The following WDPCP variants were observed in gnomAD, a reference collection of about 807,000 sequenced individuals.
WDPCP encodes WD repeat-containing and planar cell polarity effector protein fritz homolog.
WDPCP carries 71 observed loss-of-function variants against 93.1 expected under a neutral mutation model. The observed-to-expected ratio is 0.76, with a 90% CI of 0.63 to 0.93. WDPCP has a LOEUF of 0.93. Among genes scored for constraint, WDPCP ranks in the 40% least tolerant of loss-of-function variants. WDPCP has a pLI of 0.00. For missense variants in WDPCP, 844 were observed against 887.4 expected, an observed-to-expected ratio of 0.95 and a Z score of 0.62; for synonymous variants, 315 against 315.0, an observed-to-expected ratio of 1.00 and a Z score of 0.00.
At chr2:63,444,449 C>T (rs2105566368) in intron 6 of WDPCP, among the ~76,000 whole-genome samples, 1 of 152,152 alleles carries the variant, frequency 6.6e-6, no homozygotes, top group South Asian at 2.1e-4. Context: ...AAGAATATTC[C>T]AGCCCAGACA....
chr2:63,593,429 A>T, upstream of WDPCP: 1 of 359,012 alleles, frequency 2.8e-6, no homozygotes, highest in Non-Finnish European at 5.8e-6. Context: ...TTTTTCTTTG[A>T]CTTCTATGAG....
chr2:63,121,530 G>A lies in WDPCP; in HGVS notation c.*476C>T, dbSNP rs536038002. ...TTCACAAGCATGTACCACCATGCCT[G>A]GCTAATTTTTAAAATTTTTTCTAGA... is the stretch of plus-strand genomic sequence containing the variant. On this transcript the variant is annotated 3_prime_UTR_variant, in exon 18 of 18. Coordinates refer to ENST00000272321, the MANE Select transcript of WDPCP (RefSeq NM_015910.7). The A allele has an allele frequency of 6.5e-6, 1 of 154,844 alleles. No homozygotes were observed. Among genetic ancestry groups the A allele is most frequent in the African/African-American group, 2.4e-5 (1 of 41,294 alleles). 9.6% of individuals were successfully genotyped at this position (154,844 alleles called of 1,614,324 possible).
rs148988771 is a variant in WDPCP, at chr2:63,211,651, C to T, written c.1916-36819G>A. ...TTGAGAGAAGAAGGCTTCAGAAAAT[C>T]GGTAATAACAAACTTCTCTGAGCTA... On this transcript the variant is annotated intron_variant, in intron 14 of 17. Transcript: ENST00000272321. 2.1e-3 allele frequency among the ~76,000 whole-genome samples: 321 copies of T among 152,176 alleles called. 2 individuals are homozygous for T. The highest frequency in any genetic ancestry group is 7.1e-3 in the African/African-American group (296 of 41,522).
intron 1 of WDPCP, among the ~76,000 whole-genome samples, chr2:63,562,721 T>C (rs891935447): frequency 6.6e-6 from 1 of 152,198 alleles, no homozygotes; most frequent in Non-Finnish European, 1.5e-5. Context: ...TTTATAAATT[T>C]CATGTATGTA....
intron 1 of WDPCP, among the ~76,000 whole-genome samples, chr2:63,506,115 A>T (rs1701852402): frequency 6.6e-6 from 1 of 152,148 alleles, no homozygotes; most frequent in Non-Finnish European, 1.5e-5. Flanking sequence ...ACACAAATTT[A>T]CTAATTCTAA....
At chr2:63,364,137 T>C (rs1346660076) in intron 12 of WDPCP, among the ~76,000 whole-genome samples, 1 of 152,244 alleles carries the variant, frequency 6.6e-6, no homozygotes, top group Non-Finnish European at 1.5e-5. Flanking sequence ...CTCAACACCA[T>C]GATTCTTTGT....
At chr2:63,611,986 C>G (rs897018313) in intron 3 of WDPCP, among the ~76,000 whole-genome samples, 1 of 152,202 alleles carries the variant, frequency 6.6e-6, no homozygotes, top group African/African-American at 2.4e-5. Flanking sequence ...CACCATCACC[C>G]TGGTCCAAGC....
At chr2:63,414,731 AGTGGAAGGG>A (rs1695283526) in intron 9 of WDPCP, among the ~76,000 whole-genome samples, 1 of 152,156 alleles carries the variant, frequency 6.6e-6, no homozygotes, top group Non-Finnish European at 1.5e-5. Flanking sequence ...TGGAGGAAGG[AGTGGAAGGG>A]GAGAAGCGAT....
chr2:63,425,186 A>G (rs989543039), intron 9 of WDPCP, among the ~76,000 whole-genome samples: 3 of 152,242 alleles, frequency 2.0e-5, no homozygotes, highest in African/African-American at 7.2e-5. Context: ...CTTGAACCAC[A>G]GTTAAAAACT....
upstream of WDPCP, among the ~76,000 whole-genome samples, chr2:63,832,843 G>A (rs1671234715): frequency 6.6e-6 from 1 of 152,148 alleles, no homozygotes; most frequent in Non-Finnish European, 1.5e-5. Context: ...TATTTAATAA[G>A]TTATAATAGT....
At chr2:63,354,958 T>C (rs914579761) in intron 12 of WDPCP, among the ~76,000 whole-genome samples, 1 of 152,108 alleles carries the variant, frequency 6.6e-6, no homozygotes, top group Non-Finnish European at 1.5e-5. Context: ...AGAGGCCAAA[T>C]ATATGAATCA....
intron 2 of WDPCP, among the ~76,000 whole-genome samples, chr2:63,743,174 C>T (rs1669749914): frequency 6.6e-6 from 1 of 152,048 alleles, no homozygotes; most frequent in Admixed American, 6.6e-5. Context: ...GTTCTTCCTA[C>T]CTGCAAGTTG....
chr2:63,287,240 C>T (rs1684073764), intron 13 of WDPCP, among the ~76,000 whole-genome samples: 1 of 151,906 alleles, frequency 6.6e-6, no homozygotes, highest in South Asian at 2.1e-4. Flanking sequence ...GTCAGGGCTT[C>T]AACATATGAA....
chr2:63,505,710 T>C (rs1254016352), intron 1 of WDPCP, among the ~76,000 whole-genome samples: 2 of 152,084 alleles, frequency 1.3e-5, no homozygotes, highest in Non-Finnish European at 2.9e-5. Context: ...ATCTCAAAAA[T>C]ACCTACCTGA....
intron 6 of WDPCP, among the ~76,000 whole-genome samples, chr2:63,448,273 A>G (rs1159550117): frequency 1.3e-5 from 2 of 152,102 alleles, no homozygotes; most frequent in Non-Finnish European, 2.9e-5. Flanking sequence ...AATGTGGCAT[A>G]AATGAAAAAA....
chr2:63,589,204 C>A, upstream of WDPCP: 1 of 1,587,636 alleles, frequency 6.3e-7, no homozygotes, highest in Non-Finnish European at 8.6e-7. Flanking sequence ...GCCGCAGTGA[C>A]CCAGTAATGG....
At chr2:63,752,538 A>C in intron 2 of WDPCP, 1 of 699,718 alleles carries the variant, frequency 1.4e-6, no homozygotes, top group Non-Finnish European at 2.6e-6. Context: ...CATTGCTCAG[A>C]ATGGCTCCTC....
intron 14 of WDPCP, among the ~76,000 whole-genome samples, chr2:63,250,360 A>C (rs778434034): frequency 6.6e-6 from 1 of 152,124 alleles, no homozygotes; most frequent in Admixed American, 6.6e-5. Flanking sequence ...AAAAATTATG[A>C]ATTATTTATT....
intron 8 of WDPCP, 134 bp from the exon 9 acceptor site, chr2:63,434,070 A>G: frequency 1.1e-6 from 1 of 887,406 alleles, no homozygotes; most frequent in Non-Finnish European, 1.7e-6. Context: ...GTGCGTAAGA[A>G]GGTGTCAGAA....
Sources: gnomAD v4.1 joint callset for allele counts (sites outside exome capture counted in the v4.1 genomes callset) on GRCh38, gnomAD v4.1.1 for gene constraint, MANE v1.5 for transcripts, NCBI Gene and HGNC (gene_info 2026-07-23, HGNC 2026-07-21) for gene names.